Variants in AIG1 observed in about 807,000 individuals in gnomAD.
AIG1 encodes the protein androgen induced 1, also known as androgen-induced gene 1 protein.
A neutral mutation model predicts 31.4 loss-of-function variants in AIG1; 23 were observed. The ratio of observed to expected loss-of-function variants is 0.73; its 90% confidence interval spans 0.53 to 1.04. The LOEUF (loss-of-function observed/expected upper bound fraction) is 1.04. Ranked by LOEUF, AIG1 falls within the 50% of genes least tolerant of loss-of-function variation. AIG1 has a pLI of 0.00. For missense variants in AIG1, 274 were observed against 295.0 expected, an observed-to-expected ratio of 0.93 and a Z score of 0.52; for synonymous variants, 100 against 110.5, an observed-to-expected ratio of 0.90 and a Z score of 0.60.
At position 143,338,360 on chromosome 6, in the gene AIG1, G is replaced by T; in HGVS notation, c.680-1279G>T. The T allele has an allele frequency of 4.9e-6, 1 of 202,626 alleles. No homozygotes were observed. Among genetic ancestry groups the T allele is most frequent in the Non-Finnish European group, 9.8e-6 (1 of 101,670 alleles). The allele number at this position is 202,626 out of a possible 1,614,324, so 12.6% of individuals were successfully genotyped here. Reference sequence around the variant, plus strand: ...TTTTCCTTCATAGGATTTCTGAGAAGGACTTTGGAAAAAGTGCTCCAGATC... The same window carrying T: ...TTTTCCTTCATAGGATTTCTGAGAATGACTTTGGAAAAAGTGCTCCAGATC... On this transcript the variant is annotated intron_variant, in intron 5 of 5. Coordinates refer to ENST00000357847, the MANE Select transcript of AIG1 (RefSeq NM_016108.4). The surrounding 1 kb of genome is among the most constrained non-coding windows in gnomAD (Gnocchi z 4.3).
At chr6:143,300,212 C>T (rs1387074813) in intron 4 of AIG1, among the ~76,000 whole-genome samples, 1 of 152,200 alleles carries the variant, frequency 6.6e-6, no homozygotes, top group Non-Finnish European at 1.5e-5. Context: ...AACACATTGG[C>T]AGTGGAAATT....
intron 2 of AIG1, among the ~76,000 whole-genome samples, chr6:143,148,857 C>G (rs573207244): frequency 6.6e-6 from 1 of 151,816 alleles, no homozygotes; most frequent in Non-Finnish European, 1.5e-5. Context: ...AGAAAACCAC[C>G]AACAACCTGC....
At chr6:143,217,376 G>C (rs1792111994) in intron 3 of AIG1, among the ~76,000 whole-genome samples, 1 of 152,186 alleles carries the variant, frequency 6.6e-6, no homozygotes, top group South Asian at 2.1e-4. Context: ...TTGAGGGATG[G>C]AAGTCTGCCT....
At chr6:143,137,083 T>C in intron 2 of AIG1, 93 bp downstream of exon 2, 1 of 1,268,960 alleles carries the variant, frequency 7.9e-7, no homozygotes, top group Non-Finnish European at 1.0e-6. Flanking sequence ...TTATAAGAGG[T>C]TTCTGTATTA....
At chr6:143,143,554 T>TATAC (rs762393675) in intron 2 of AIG1, among the ~76,000 whole-genome samples, 39 of 103,952 alleles carry the variant, frequency 3.8e-4, no homozygotes, top group South Asian at 6.9e-4. Flanking sequence ...TATATATATA[T>TATAC]ACACACACAC....
intron 3 of AIG1, among the ~76,000 whole-genome samples, chr6:143,214,671 C>A (rs552988874): frequency 1.3e-5 from 2 of 152,290 alleles, no homozygotes; most frequent in East Asian, 3.9e-4. Flanking sequence ...CTCTTCAGTG[C>A]CTACTCATCA....
intron 1 of AIG1, among the ~76,000 whole-genome samples, chr6:143,124,846 G>A (rs1028254724): frequency 5.9e-5 from 9 of 152,110 alleles, no homozygotes; most frequent in African/African-American, 2.2e-4. Context: ...AGAACAGCAT[G>A]TAGAAACCAC....
At chr6:143,260,646 C>T (rs565080477) in intron 3 of AIG1, among the ~76,000 whole-genome samples, 2 of 152,284 alleles carry the variant, frequency 1.3e-5, no homozygotes, top group East Asian at 3.9e-4. Context: ...ACTGTAGTGA[C>T]TGTTTTACAT....
chr6:143,133,283 A>G (rs1198593284), intron 1 of AIG1, among the ~76,000 whole-genome samples: 1 of 152,058 alleles, frequency 6.6e-6, no homozygotes, highest in African/African-American at 2.4e-5. Context: ...CCTTTATTCC[A>G]GGGCTATGTT....
At chr6:143,180,268 G>C (rs950564353) in intron 3 of AIG1, among the ~76,000 whole-genome samples, 2 of 152,184 alleles carry the variant, frequency 1.3e-5, no homozygotes, top group Non-Finnish European at 2.9e-5. Context: ...ATATTGTGAG[G>C]CTGCAGGATG....
chr6:143,218,188 T>C lies in AIG1; in HGVS notation c.399+53005T>C, dbSNP rs544984512. Among the ~76,000 whole-genome samples the C allele has an allele frequency of 2.6e-5, 4 of 152,376 alleles. No individual in the cohort carries two copies. The South Asian group carries it at 8.3e-4, about 32-fold the overall frequency. ...TCCTCACTTGGGGTTTGTTCTTTTA[T>C]TTAGTTGTGGGATATTTGGGGAACA... is the stretch of plus-strand genomic sequence containing the variant. On this transcript the variant is annotated intron_variant, in intron 3 of 5. Transcript: ENST00000357847.
intron 1 of AIG1, among the ~76,000 whole-genome samples, chr6:143,135,358 T>C (rs981120716): frequency 6.6e-6 from 1 of 152,058 alleles, no homozygotes; most frequent in African/African-American, 2.4e-5. Flanking sequence ...TAGAAAGATA[T>C]GAATAGGAAT....
chr6:143,157,576 G>T (rs1372185855), intron 2 of AIG1, among the ~76,000 whole-genome samples: 1 of 151,656 alleles, frequency 6.6e-6, no homozygotes, highest in Admixed American at 6.6e-5. Context: ...GTTTTTCAGT[G>T]TATCTGGTCC....
At chr6:143,070,838 A>G (rs1777173923) in intron 1 of AIG1, among the ~76,000 whole-genome samples, 1 of 152,258 alleles carries the variant, frequency 6.6e-6, no homozygotes, top group Non-Finnish European at 1.5e-5. Flanking sequence ...TTTTAGAGAC[A>G]AAAACATTCA....
At chr6:143,343,606 A>G (rs1403618406), downstream of AIG1, among the ~76,000 whole-genome samples, 1 of 152,228 alleles carries the variant, frequency 6.6e-6, no homozygotes, top group Non-Finnish European at 1.5e-5. Flanking sequence ...ATAAAAAAAT[A>G]AAAATAAAAA....
intron 2 of AIG1, 43 bp from the exon 3 acceptor site, chr6:143,165,039 A>G: frequency 7.2e-7 from 1 of 1,394,394 alleles, no homozygotes; most frequent in Non-Finnish European, 1.0e-6. Context: ...TATGTTGTGG[A>G]TAGTCGATGA....
In AIG1 at chr6:143,292,782, A is replaced by C. The variant is rs1798145165; in HGVS notation, c.515+8557A>C. On this transcript the variant is annotated intron_variant, in intron 4 of 5. Coordinates refer to ENST00000357847, the MANE Select transcript of AIG1 (RefSeq NM_016108.4). The surrounding 1 kb of genome is among the most constrained non-coding windows in gnomAD (Gnocchi z 4.9). ...ATAGTGATCAGGCAGGATTGCCGTG[A>C]GCATCAGAAAAATGGGTATACAATG... Among the ~76,000 whole-genome samples the C allele has an allele frequency of 1.3e-5, 2 of 152,228 alleles. No individual in the cohort carries two copies. The highest frequency in any genetic ancestry group is 4.1e-4 in the South Asian group (2 of 4,834).
chr6:143,097,852 A>G (rs1562372649), intron 1 of AIG1, among the ~76,000 whole-genome samples: 1 of 152,162 alleles, frequency 6.6e-6, no homozygotes, highest in Non-Finnish European at 1.5e-5. Context: ...TTGAAACTCT[A>G]CTATACTTTC....
intron 4 of AIG1, among the ~76,000 whole-genome samples, chr6:143,305,742 C>T (rs540889559): frequency 1.3e-5 from 2 of 151,970 alleles, no homozygotes; most frequent in African/African-American, 4.8e-5. Flanking sequence ...CTATTAGGTC[C>T]ACTTGGTGCA....
Sources: gnomAD v4.1 joint callset for allele counts (sites outside exome capture counted in the v4.1 genomes callset) on GRCh38, gnomAD v4.1.1 for gene constraint, Gnocchi (gnomAD v3.1) non-coding constraint, MANE v1.5 for transcripts, NCBI Gene and HGNC (gene_info 2026-07-23, HGNC 2026-07-21) for gene names.